The following ROCK2 variants were observed in gnomAD, a reference collection of about 807,000 sequenced individuals.
The protein encoded by ROCK2 is Rho associated coiled-coil containing protein kinase 2, also known as rho-associated protein kinase 2.
In ROCK2, 61 loss-of-function variants were observed where a neutral mutation model predicts 195.1. The ratio of observed to expected loss-of-function variants is 0.31; its 90% CI spans 0.25 to 0.39. ROCK2 has a LOEUF of 0.39. Ranked by LOEUF, ROCK2 falls within the 10% of genes least tolerant of loss-of-function variation. The pLI, the probability that ROCK2 is intolerant of heterozygous loss-of-function variation, is 1.00. For missense variants in ROCK2, 1,109 were observed against 1,637.4 expected (o/e 0.68, Z 5.57); for synonymous variants, 504 against 545.5 (o/e 0.92, Z 1.06).
chr2:11,189,832 C>CA lies in ROCK2; in HGVS notation c.4163+2315dup, dbSNP rs538197139. Among the ~76,000 whole-genome samples, 56 of 150,180 alleles carry CA rather than the reference C, an allele frequency of 3.7e-4. No homozygotes were observed. The South Asian group carries it at 6.5e-3, about 18-fold the overall frequency. ...CCCCCATCTCTACAGAAAATAAAAA[C>CA]AAAAAAAAATTAGCCAGGTGTCATG... is the stretch of plus-strand genomic sequence containing the variant. On this transcript the variant is annotated intron_variant, in intron 32 of 32. Transcript: ENST00000315872.
intron 4 of ROCK2, among the ~76,000 whole-genome samples, chr2:11,237,345 T>G (rs1419169131): frequency 6.6e-6 from 1 of 151,532 alleles, no homozygotes; most frequent in African/African-American, 2.4e-5. Flanking sequence ...ACTGAAGGAG[T>G]AAGAGATGAA....
chr2:11,250,007 A>G (rs1665775266), intron 3 of ROCK2, among the ~76,000 whole-genome samples: 1 of 152,220 alleles, frequency 6.6e-6, no homozygotes, highest in African/African-American at 2.4e-5. Context: ...TAATACTTTT[A>G]AACACTAAAT....
intron 1 of ROCK2, among the ~76,000 whole-genome samples, chr2:11,339,628 C>G (rs1209124880): frequency 6.6e-6 from 1 of 150,976 alleles, no homozygotes; most frequent in Non-Finnish European, 1.5e-5. Context: ...ATATGAATAA[C>G]CCACAATGTT....
At chr2:11,325,664 T>C (rs1356798324) in intron 1 of ROCK2, among the ~76,000 whole-genome samples, 3 of 152,162 alleles carry the variant, frequency 2.0e-5, no homozygotes, top group Admixed American at 2.0e-4. Context: ...AATTTTAACT[T>C]TTCTCTGAAT....
intron 3 of ROCK2, among the ~76,000 whole-genome samples, chr2:11,258,486 C>G (rs1390792634): frequency 2.0e-5 from 3 of 151,354 alleles, no homozygotes; most frequent in Non-Finnish European, 2.9e-5. Context: ...AATCCCAGAA[C>G]ATTCTGAATC....
At chr2:11,326,259 T>G (rs1029533497) in intron 1 of ROCK2, among the ~76,000 whole-genome samples, 1 of 151,530 alleles carries the variant, frequency 6.6e-6, no homozygotes, top group Non-Finnish European at 1.5e-5. Flanking sequence ...ACATTTCCAT[T>G]TGGCAGAAGA....
Position 11,207,839 on chromosome 2 carries a change from C to G in ROCK2, c.2436G>C (p.Met812Ile). The change falls in exon 20 of 33, where the codon ATG (methionine) becomes ATC (isoleucine). Residue 812 changes from methionine to isoleucine, a missense_variant. Met to Ile is a conservative substitution (Grantham distance 10). Around this residue, in one of 6 missense-constraint regions of ROCK2, gnomAD observed 542 missense variants for 672.0 expected, o/e 0.81. Coordinates refer to ENST00000315872, the MANE Select transcript of ROCK2 (RefSeq NM_004850.5). Reference protein sequence around the residue: ...KRCLTQNDLKMQTQQVNTLKM... With the variant: ...KRCLTQNDLKIQTQQVNTLKM... ...TTAGTGTGTTAACCTGTTGTGTTTG[C>G]ATCTTCAGGTCATTTTGTGTAAGGC... 6.2e-7 allele frequency: 1 copy of G among 1,609,896 alleles called. No individual in the cohort carries two copies. The highest frequency in any genetic ancestry group is 8.5e-7 in the Non-Finnish European group (1 of 1,177,320).
Position 11,216,891 on chromosome 2 carries a change from T to G in ROCK2, c.1412+199A>C, listed in dbSNP as rs376085683. ...GGCACCCGCCACCATGCCCAGCTAATTTTTGTATTTTTAGTAGAGACTGGG... is the reference window on the plus strand; with the variant it reads ...GGCACCCGCCACCATGCCCAGCTAAGTTTTGTATTTTTAGTAGAGACTGGG... On this transcript the variant is annotated intron_variant, in intron 12 of 32. Transcript: ENST00000315872. Among the ~76,000 whole-genome samples the G allele has an allele frequency of 5.3e-5, 8 of 152,110 alleles. No individual in the cohort carries two copies. In the South Asian group the frequency reaches 1.7e-3, roughly 32 times the overall value.
chr2:11,206,421 G>C (rs1056137341), intron 20 of ROCK2, among the ~76,000 whole-genome samples: 24 of 151,926 alleles, frequency 1.6e-4, no homozygotes, highest in African/African-American at 5.8e-4. Flanking sequence ...TAAAAAGCTG[G>C]CCTGAAATAA....
At chr2:11,233,875 TA>T (rs1451032676) in intron 5 of ROCK2, 3 of 151,996 alleles carry the variant, frequency 2.0e-5, no homozygotes, top group African/African-American at 7.2e-5. Context: ...TGGAGGAAAA[TA>T]TAAAATAAAA....
intron 1 of ROCK2, among the ~76,000 whole-genome samples, chr2:11,342,519 T>C (rs1348434012): frequency 6.6e-6 from 1 of 152,346 alleles, no homozygotes; most frequent in African/African-American, 2.4e-5. Flanking sequence ...ATCTAGGATT[T>C]AGCATGAACC....
intron 1 of ROCK2, among the ~76,000 whole-genome samples, chr2:11,296,321 TTTTG>T (rs933392556): frequency 1.3e-4 from 20 of 152,128 alleles, no homozygotes; most frequent in Non-Finnish European, 2.5e-4. Flanking sequence ...ACAGATAAAG[TTTTG>T]TTTATTAGAA....
chr2:11,338,773 G>A (rs1669013357), intron 1 of ROCK2, among the ~76,000 whole-genome samples: 1 of 151,976 alleles, frequency 6.6e-6, no homozygotes, highest in African/African-American at 2.4e-5. Context: ...TGAGAAAAAG[G>A]AATAAACTGC....
At chr2:11,318,939 C>T (rs995759651) in intron 1 of ROCK2, among the ~76,000 whole-genome samples, 10 of 152,262 alleles carry the variant, frequency 6.6e-5, no homozygotes, top group Non-Finnish European at 5.9e-5. Context: ...TTTCTGAGGG[C>T]TCCGTTCTGT....
chr2:11,219,576 T>G (rs1664557034), intron 9 of ROCK2, among the ~76,000 whole-genome samples: 1 of 152,164 alleles, frequency 6.6e-6, no homozygotes, highest in African/African-American at 2.4e-5. Flanking sequence ...ACGGGATAAC[T>G]AGTCTTTAAT....
chr2:11,291,988 A>G (rs1377861881), intron 1 of ROCK2, among the ~76,000 whole-genome samples: 1 of 48,304 alleles, frequency 2.1e-5, no homozygotes, highest in African/African-American at 3.7e-5. Context: ...TAGACAAATG[A>G]CAGACTATGA....
rs1380815923 is a variant in ROCK2 at position 11,192,455 on chromosome 2, G to A, written c.3945C>T (p.Cys1315=). ...MDKKEEIIAP[C]KVYYDISTAK... is the part of the protein sequence containing the mutation. ...AGCAAGTAATTTATCATTTACCTTT[G>A]CAAGGTGCTATAATCTCCTCCTTTT... The change falls in exon 31 of 33, where the codon TGC becomes TGT. Residue 1315 remains cysteine, a synonymous_variant. Transcript: ENST00000315872. This position sits in a 1 kb window ranked among gnomAD's most constrained non-coding sequence, Gnocchi z 5.0. 1.2e-6 allele frequency: 2 copies of A among 1,613,752 alleles called. No individual in the cohort carries two copies. Among genetic ancestry groups the A allele is most frequent in the Admixed American group, 1.7e-5 (1 of 59,982 alleles).
At chr2:11,305,158 C>A (rs935602948) in intron 1 of ROCK2, among the ~76,000 whole-genome samples, 1 of 152,148 alleles carries the variant, frequency 6.6e-6, no homozygotes, top group Non-Finnish European at 1.5e-5. Flanking sequence ...GGTGGAACAA[C>A]TGAGGTCAGG....
At chr2:11,248,716 A>AAAAAG (rs1368671492) in intron 4 of ROCK2, among the ~76,000 whole-genome samples, 4 of 53,684 alleles carry the variant, frequency 7.5e-5, no homozygotes, top group Non-Finnish European at 2.4e-4. Flanking sequence ...CTCAAAAAAA[A>AAAAAG]AAAAAAAAAA....
Sources: allele counts gnomAD v4.1 joint callset (sites outside exome capture counted in the v4.1 genomes callset), GRCh38; gene constraint gnomAD v4.1.1; regional missense constraint gnomAD v4.1.1; non-coding constraint Gnocchi (gnomAD v3.1); transcripts MANE v1.5; gene names NCBI Gene and HGNC (gene_info 2026-07-23, HGNC 2026-07-21).